The following ATRN variants were observed in gnomAD, a reference collection of about 807,000 sequenced individuals.
ATRN encodes the protein attractin, also known as attractin-2.
A neutral mutation model predicts 178.7 loss-of-function variants in ATRN; 54 were observed. That is an observed-to-expected ratio of 0.30 (90% CI 0.24 to 0.38). The LOEUF is 0.38. Ranked by LOEUF, ATRN falls within the 10% of genes least tolerant of loss-of-function variation. The pLI, the probability that ATRN is intolerant of heterozygous loss-of-function variation, is 1.00. For missense variants in ATRN, 1,443 were observed against 1,815.1 expected (o/e 0.79, Z 3.73); for synonymous variants, 636 against 663.0 (o/e 0.96, Z 0.63).
intron 1 of ATRN, among the ~76,000 whole-genome samples, chr20:3,476,299 A>G (rs1476622072): frequency 6.6e-6 from 1 of 152,230 alleles, no homozygotes; most frequent in Non-Finnish European, 1.5e-5. Flanking sequence ...GAAGTTGTGC[A>G]AAATTGAGAT....
chr20:3,515,864 A>G (rs1008840658), intron 1 of ATRN, among the ~76,000 whole-genome samples: 3 of 152,122 alleles, frequency 2.0e-5, no homozygotes, highest in African/African-American at 7.2e-5. Context: ...AGACGATGCA[A>G]CTCTGAATGG....
chr20:3,629,946 T>C (rs2086977317), intron 25 of ATRN, among the ~76,000 whole-genome samples: 2 of 151,792 alleles, frequency 1.3e-5, no homozygotes. Flanking sequence ...TTCTGAGTTT[T>C]TTTATTGAGG....
At chr20:3,570,061 A>G (rs1442878892) in intron 11 of ATRN, among the ~76,000 whole-genome samples, 2 of 150,096 alleles carry the variant, frequency 1.3e-5, no homozygotes, top group Admixed American at 1.3e-4. Context: ...ATGGAGCAAG[A>G]CTCTAACTCA....
intron 23 of ATRN, among the ~76,000 whole-genome samples, chr20:3,602,508 G>A (rs942881627): frequency 6.6e-6 from 1 of 152,124 alleles, no homozygotes; most frequent in African/African-American, 2.4e-5. Flanking sequence ...TGAGATTGAT[G>A]CAAAATAAGA....
At chr20:3,611,656 C>T (rs961947013) in intron 24 of ATRN, among the ~76,000 whole-genome samples, 1 of 152,164 alleles carries the variant, frequency 6.6e-6, no homozygotes, top group African/African-American at 2.4e-5. Flanking sequence ...GCAGGAGAAT[C>T]GCTTGAACCT....
intron 6 of ATRN, among the ~76,000 whole-genome samples, chr20:3,553,983 A>G (rs1033619309): frequency 3.2e-4 from 49 of 152,186 alleles, no homozygotes; most frequent in African/African-American, 9.7e-5. Flanking sequence ...TTGTTTACTC[A>G]CTGCACTCAG....
chr20:3,608,692 T>G (rs1325382713), intron 24 of ATRN, among the ~76,000 whole-genome samples: 1 of 152,098 alleles, frequency 6.6e-6, no homozygotes, highest in Middle Eastern at 3.2e-3. Context: ...GTTGGCTGAG[T>G]ACAGCAGCTC....
intron 1 of ATRN, among the ~76,000 whole-genome samples, chr20:3,475,990 A>G (rs778170019): frequency 3.9e-5 from 6 of 152,168 alleles, no homozygotes; most frequent in African/African-American, 1.4e-4. Flanking sequence ...ACCAAAAAAA[A>G]GAAAGTTAGC....
rs1205246064 is a variant in ATRN at position 3,650,902 on chromosome 20, C to G, written c.*4055C>G. The G allele has an allele frequency of 6.6e-6, 1 of 152,584 alleles. No homozygotes were observed. The highest frequency in any genetic ancestry group is 1.5e-5 in the Non-Finnish European group (1 of 68,038). 9.5% of individuals were successfully genotyped at this position (152,584 alleles called of 1,614,324 possible). A position where few individuals can be genotyped will look rare whatever the true frequency, so the allele number is the denominator to read the frequency against. The stretch of plus-strand genomic sequence containing the variant: ...GTAAATATGGAGTAAGTATTGTAAA[C>G]TATTTCATCGCGGGGATTGTGGGTG... On this transcript the variant is annotated 3_prime_UTR_variant, in exon 29 of 29. Coordinates refer to ENST00000262919, the MANE Select transcript of ATRN (RefSeq NM_139321.3).
In ATRN at chr20:3,646,806, C is replaced by T. The variant is rs772527770; in HGVS notation, c.4249C>T (p.Arg1417Trp). 34 of 1,612,492 alleles carry T rather than the reference C, an allele frequency of 2.1e-5. No individual in the cohort carries two copies. Among genetic ancestry groups the T allele is most frequent in the South Asian group, 1.7e-4 (15 of 90,534 alleles). ...GGAGAAGTCAGGAGCCGTGAGAAAC[C>T]GGAAGCAGCAGCCCCCTGCACAGCC... ...YKEKSGAVRNRKQQPPAQPGT... is the reference protein window; with the variant it reads ...YKEKSGAVRNWKQQPPAQPGT... The change falls in exon 29 of 29, where the codon CGG becomes TGG. Residue 1417 changes from arginine to tryptophan, a missense_variant. Transcript: ENST00000262919.
chr20:3,527,867 G>C (rs990450599), intron 1 of ATRN, among the ~76,000 whole-genome samples: 1 of 138,642 alleles, frequency 7.2e-6, no homozygotes, highest in Admixed American at 7.4e-5. Flanking sequence ...GAGTTGAACA[G>C]TTAGAACACA....
In ATRN at chr20:3,529,269, G is replaced by A. The variant is rs187806922; in HGVS notation, c.411-5984G>A. Among the ~76,000 whole-genome samples, 651 of 152,310 alleles carry A rather than the reference G, an allele frequency of 4.3e-3. 5 individuals are homozygous for A. The highest frequency in any genetic ancestry group is 0.015 in the African/African-American group (606 of 41,564). ...ACTCTCATATCTTGAAAATGTGATT[G>A]TAAGGTGGAAACAGTTTGGCAGTTT... is the stretch of plus-strand genomic sequence containing the variant. On this transcript the variant is annotated intron_variant, in intron 1 of 28. Transcript: ENST00000262919.
At chr20:3,624,397 C>T (rs139638325) in intron 24 of ATRN, 114 bp from the exon 25 acceptor site, 52 of 1,004,426 alleles carry the variant, frequency 5.2e-5, no homozygotes, top group East Asian at 4.6e-4. Context: ...AAAAAGTTTC[C>T]TTAACTTCTT....
chr20:3,635,282 G>A (rs2087017050), intron 26 of ATRN, among the ~76,000 whole-genome samples: 1 of 151,702 alleles, frequency 6.6e-6, no homozygotes, highest in Non-Finnish European at 1.5e-5. Context: ...GGTGATAGGT[G>A]CACCAGAATC....
intron 7 of ATRN, among the ~76,000 whole-genome samples, chr20:3,560,219 T>C (rs235578): frequency 0.86 from 130,491 of 152,074 alleles, 56,404 homozygotes; most frequent in East Asian, 1. Flanking sequence ...ACTTTTTTAG[T>C]TCCCACATAT....
At chr20:3,537,358 C>T (rs904080553) in intron 2 of ATRN, among the ~76,000 whole-genome samples, 1 of 152,018 alleles carries the variant, frequency 6.6e-6, no homozygotes, top group African/African-American at 2.4e-5. Context: ...TTCAAGTAAA[C>T]ATGGTAAATG....
At chr20:3,530,417 C>T (rs553708056) in intron 1 of ATRN, among the ~76,000 whole-genome samples, 4 of 150,288 alleles carry the variant, frequency 2.7e-5, no homozygotes, top group African/African-American at 9.7e-5. Context: ...GCACTTGCCA[C>T]CATGCCTGGC....
At chr20:3,610,874 A>C (rs1251941032) in intron 24 of ATRN, among the ~76,000 whole-genome samples, 1 of 150,836 alleles carries the variant, frequency 6.6e-6, no homozygotes, top group Non-Finnish European at 1.5e-5. Context: ...AAGATTACAG[A>C]CATGAGCCGT....
At chr20:3,629,721 A>G (rs140004906) in intron 25 of ATRN, among the ~76,000 whole-genome samples, 98 of 152,308 alleles carry the variant, frequency 6.4e-4, no homozygotes, top group African/African-American at 2.2e-3. Context: ...AGATTTGACA[A>G]TTTGTTAGAA....
Sources: allele counts gnomAD v4.1 joint callset (sites outside exome capture counted in the v4.1 genomes callset), GRCh38; gene constraint gnomAD v4.1.1; transcripts MANE v1.5; gene names NCBI Gene and HGNC (gene_info 2026-07-23, HGNC 2026-07-21).